Variants in SEZ6 observed in about 807,000 individuals in gnomAD.
SEZ6 encodes the protein seizure related 6 homolog.
A neutral mutation model predicts 101.0 loss-of-function variants in SEZ6; 53 were observed. The ratio of observed to expected loss-of-function variants is 0.52; its 90% CI spans 0.42 to 0.66. The LOEUF is 0.66. Ranked by LOEUF, SEZ6 falls within the 30% of genes least tolerant of loss-of-function variation. The pLI is 0.00. For missense variants in SEZ6, 1,102 were observed against 1,289.4 expected (o/e 0.85, Z 2.23); for synonymous variants, 488 against 512.2 (o/e 0.95, Z 0.64).
intron 1 of SEZ6, among the ~76,000 whole-genome samples, chr17:29,001,418 G>A (rs1400385978): frequency 6.6e-6 from 1 of 152,216 alleles, no homozygotes; most frequent in Non-Finnish European, 1.5e-5. Context: ...CCAAGGGATG[G>A]TGAGAGCACA....
intron 1 of SEZ6, among the ~76,000 whole-genome samples, chr17:28,992,363 C>A (rs758621776): frequency 6.6e-6 from 1 of 151,848 alleles, no homozygotes; most frequent in African/African-American, 2.4e-5. Flanking sequence ...TGTGCACGTG[C>A]GTGTGTGTGT....
At chr17:28,956,897 C>T (rs2040887750) in intron 13 of SEZ6, 140 bp from the exon 14 acceptor site, 1 of 1,357,320 alleles carries the variant, frequency 7.4e-7, no homozygotes, top group South Asian at 1.3e-5. Flanking sequence ...TTGGTGATGC[C>T]AGGTCAGAAG....
In SEZ6 at chr17:28,957,463, G is replaced by C; in HGVS notation, c.2379C>G (p.Ala793=). The C allele has an allele frequency of 6.2e-7, 1 of 1,613,988 alleles. No individual in the cohort carries two copies. Among genetic ancestry groups the C allele is most frequent in the East Asian group, 2.2e-5 (1 of 44,874 alleles). The change falls in exon 12 of 17, where the codon GCC becomes GCG. Residue 793 remains alanine, a synonymous_variant. Coordinates refer to ENST00000317338, the MANE Select transcript of SEZ6 (RefSeq NM_178860.5). Reference sequence around the variant, plus strand: ...CCTGGTCACAGATATATTGCACGGTGGCCCCCACGGGAAACTTGGGGCTGG... The same window carrying C: ...CCTGGTCACAGATATATTGCACGGTCGCCCCCACGGGAAACTTGGGGCTGG... ...LISSPKFPVG[A]TVQYICDQGF... is the part of the protein sequence containing the mutation.
chr17:28,969,812 C>A lies in SEZ6; in HGVS notation c.999G>T (p.Arg333Ser). The change falls in exon 4 of 17, where the codon AGG becomes AGT. Residue 333 changes from arginine to serine, a missense_variant. Physicochemically the swap from Arg to Ser is moderately radical, Grantham distance 110. Coordinates refer to ENST00000317338, the MANE Select transcript of SEZ6 (RefSeq NM_178860.5). ...IRSPTHQAAL[R>S]FQSLPPPAGP... ...CAGCCGGTGGCGGGAGGCTCTGGAA[C>A]CTCAGGGCCGCTTGGTGGGTGGGGC... 6.6e-7 allele frequency: 1 copy of A among 1,523,640 alleles called. No homozygotes were observed. Among genetic ancestry groups the A allele is most frequent in the Non-Finnish European group, 8.7e-7 (1 of 1,146,782 alleles). The allele number at this position is 1,523,640 out of a possible 1,614,324, so 94.4% of individuals were successfully genotyped here.
intron 1 of SEZ6, among the ~76,000 whole-genome samples, chr17:28,996,785 G>A (rs1205510280): frequency 6.6e-6 from 1 of 152,128 alleles, no homozygotes; most frequent in African/African-American, 2.4e-5. Context: ...ACACCAGATG[G>A]GCCCAACTGC....
intron 3 of SEZ6, among the ~76,000 whole-genome samples, chr17:28,970,985 T>C (rs1164777656): frequency 6.6e-6 from 1 of 152,222 alleles, no homozygotes; most frequent in African/African-American, 2.4e-5. Context: ...TCCTCTGCTA[T>C]CATGCTGATC....
chr17:28,982,291 A>T (rs1188155911), intron 1 of SEZ6, among the ~76,000 whole-genome samples: 4 of 152,064 alleles, frequency 2.6e-5, no homozygotes, highest in Non-Finnish European at 5.9e-5. Context: ...TCCGTGCACT[A>T]TTTCCTACTG....
At chr17:28,978,354 C>T (rs1246487123) in intron 3 of SEZ6, among the ~76,000 whole-genome samples, 1 of 152,238 alleles carries the variant, frequency 6.6e-6, no homozygotes, top group Non-Finnish European at 1.5e-5. Flanking sequence ...ATTCTGGGCT[C>T]TGCACTACAA....
At chr17:28,997,378 C>T (rs575635770) in intron 1 of SEZ6, among the ~76,000 whole-genome samples, 1 of 152,276 alleles carries the variant, frequency 6.6e-6, no homozygotes, top group African/African-American at 2.4e-5. Context: ...AGCTGCTGGA[C>T]CAGACATTTC....
At position 28,969,857 on chromosome 17, in the gene SEZ6, C is replaced by T. The variant is rs1373873443; in HGVS notation, c.954G>A (p.Leu318=). The change falls in exon 4 of 17, where the codon CTG becomes CTA. Residue 318 remains leucine, a synonymous_variant. Coordinates refer to ENST00000317338, the MANE Select transcript of SEZ6 (RefSeq NM_178860.5). ...PLPLANQSFL[L]RGQVIRSPTH... ...TGGGGCTGCGGATGACTTGGCCCCG[C>T]AGCAGGAAAGACTGGTTGGCCAGGG... 1 of 1,536,058 alleles carries T rather than the reference C, an allele frequency of 6.5e-7. No individual in the cohort carries two copies. Among genetic ancestry groups the T allele is most frequent in the Non-Finnish European group, 8.7e-7 (1 of 1,151,604 alleles).
At chr17:28,968,022 T>C (rs552984727) in intron 4 of SEZ6, among the ~76,000 whole-genome samples, 10 of 137,180 alleles carry the variant, frequency 7.3e-5, no homozygotes, top group African/African-American at 2.9e-4. Context: ...CCTGAGGCTG[T>C]GGGAGGGGAG....
chr17:28,960,705 T>C, intron 6 of SEZ6, 34 bp from the exon 7 acceptor site: 1 of 1,611,364 alleles, frequency 6.2e-7, no homozygotes, highest in Non-Finnish European at 8.5e-7. Context: ...TGTAGGCTGG[T>C]GGCTGACCCA....
At chr17:28,986,409 A>C (rs2041384588) in intron 1 of SEZ6, among the ~76,000 whole-genome samples, 1 of 152,096 alleles carries the variant, frequency 6.6e-6, no homozygotes, top group Admixed American at 6.5e-5. Context: ...GCCCCACCAG[A>C]TCTGGATCGG....
At position 28,979,667 on chromosome 17, in the gene SEZ6, C is replaced by A; in HGVS notation, c.858+13G>T. On this transcript the variant is annotated intron_variant, in intron 3 of 16. Coordinates refer to ENST00000317338, the MANE Select transcript of SEZ6 (RefSeq NM_178860.5). ...CGCCCCAGCTTTGCCCTTGCCAGATCCAGATCACTCACCTTGATTTCCACG... is the reference window on the plus strand; with the variant it reads ...CGCCCCAGCTTTGCCCTTGCCAGATACAGATCACTCACCTTGATTTCCACG... The A allele has an allele frequency of 6.2e-7, 1 of 1,613,912 alleles. No homozygotes were observed. The highest frequency in any genetic ancestry group is 2.2e-5 in the East Asian group (1 of 44,880).
At chr17:28,985,585 A>C (rs575437418) in intron 1 of SEZ6, among the ~76,000 whole-genome samples, 1 of 152,298 alleles carries the variant, frequency 6.6e-6, no homozygotes, top group South Asian at 2.1e-4. Context: ...TCTGAATAGG[A>C]GAGTTCTGAA....
intron 5 of SEZ6, 85 bp from the exon 6 acceptor site, chr17:28,961,058 T>TA: frequency 6.7e-7 from 1 of 1,501,760 alleles, no homozygotes. Context: ...CCCAGCCCTA[T>TA]ATCCTCTGCT....
At chr17:28,956,641 TGG>T in intron 14 of SEZ6, 76 bp downstream of exon 14, 1 of 1,541,066 alleles carries the variant, frequency 6.5e-7, no homozygotes, top group Non-Finnish European at 8.8e-7. Flanking sequence ...CCTCCCTCCT[TGG>T]GAAGCCCATG....
intron 1 of SEZ6, among the ~76,000 whole-genome samples, chr17:28,995,241 G>A (rs1399821467): frequency 6.6e-6 from 1 of 152,014 alleles, no homozygotes; most frequent in South Asian, 2.1e-4. Context: ...GCATCTGCAG[G>A]GCTAGGCTGT....
intron 2 of SEZ6, 71 bp from the exon 3 acceptor site, chr17:28,979,884 TGTG>T: frequency 2.2e-6 from 1 of 452,392 alleles, no homozygotes; most frequent in Non-Finnish European, 2.9e-6. Context: ...CTGAACCGTG[TGTG>T]TGTGTGTGTG....
Sources: gnomAD v4.1 joint callset for allele counts (sites outside exome capture counted in the v4.1 genomes callset) on GRCh38, gnomAD v4.1.1 for gene constraint, MANE v1.5 for transcripts, NCBI Gene and HGNC (gene_info 2026-07-23, HGNC 2026-07-21) for gene names.